The following RBFOX1 variants were observed in gnomAD, a reference collection of about 807,000 sequenced individuals.
The protein encoded by RBFOX1 is RNA binding fox-1 homolog 1.
RBFOX1 carries 8 observed loss-of-function variants against 57.7 expected under a neutral mutation model. That is an observed-to-expected ratio of 0.14 (90% CI 0.08 to 0.25). The LOEUF is 0.25. Among genes scored for constraint, RBFOX1 ranks in the 10% least tolerant of loss-of-function variants. The pLI is 1.00. For synonymous variants in RBFOX1, 326 were observed against 222.4 expected (o/e 1.47, Z -4.15); for missense variants, 611 against 548.5 (o/e 1.11, Z -1.14).
chr16:5,751,077 A>G (rs1380176679), intron 3 of RBFOX1, among the ~76,000 whole-genome samples: 2 of 152,164 alleles, frequency 1.3e-5, no homozygotes, highest in Non-Finnish European at 1.5e-5. Flanking sequence ...TTCTGACCTG[A>G]AGAGATCTGC....
chr16:5,988,060 G>C (rs561465114), intron 4 of RBFOX1, among the ~76,000 whole-genome samples: 1 of 152,138 alleles, frequency 6.6e-6, no homozygotes, highest in African/African-American at 2.4e-5. Flanking sequence ...TTGAGTGGCT[G>C]TCTCTACATA....
chr16:6,131,931 C>T (rs924708795), intron 1 of RBFOX1, among the ~76,000 whole-genome samples: 5 of 152,188 alleles, frequency 3.3e-5, no homozygotes, highest in Non-Finnish European at 7.3e-5. Flanking sequence ...GCACGTCTGG[C>T]GGATAATGAC....
At chr16:7,710,387 G>C (rs1427707085) in intron 15 of RBFOX1, 28 of 1,375,160 alleles carry the variant, frequency 2.0e-5, no homozygotes, top group Non-Finnish European at 2.6e-5. Flanking sequence ...AGTCCTTTTA[G>C]CTAAGAGGAC....
At chr16:6,091,628 G>C (rs7193639) in intron 1 of RBFOX1, among the ~76,000 whole-genome samples, 1 of 152,064 alleles carries the variant, frequency 6.6e-6, no homozygotes. Flanking sequence ...TCATGAGTTC[G>C]AGACCAGCCT....
chr16:5,591,196 A>C (rs2046994602), intron 2 of RBFOX1, among the ~76,000 whole-genome samples: 1 of 152,162 alleles, frequency 6.6e-6, no homozygotes, highest in African/African-American at 2.4e-5. Flanking sequence ...TTCAAGGGTC[A>C]GAAATATAAA....
At chr16:5,802,855 TC>T (rs2055103217) in intron 3 of RBFOX1, among the ~76,000 whole-genome samples, 1 of 152,210 alleles carries the variant, frequency 6.6e-6, no homozygotes, top group Non-Finnish European at 1.5e-5. Flanking sequence ...TGTCCACCTA[TC>T]CAACCATTCA....
intron 3 of RBFOX1, among the ~76,000 whole-genome samples, chr16:7,047,794 T>G (rs138359105): frequency 6.7e-6 from 1 of 148,890 alleles, no homozygotes; most frequent in Admixed American, 6.8e-5. Context: ...ATACTTTTTA[T>G]GTACTCAAGT....
At chr16:5,547,279 G>A (rs559378535) in intron 2 of RBFOX1, among the ~76,000 whole-genome samples, 12 of 152,284 alleles carry the variant, frequency 7.9e-5, no homozygotes, top group African/African-American at 1.4e-4. Context: ...AAGGCAGCAT[G>A]TCCTCAAACA....
chr16:6,402,119 G>T (rs1211256545), intron 2 of RBFOX1, among the ~76,000 whole-genome samples: 2 of 151,156 alleles, frequency 1.3e-5, no homozygotes, highest in Non-Finnish European at 2.9e-5. Flanking sequence ...GCATTTTCTT[G>T]TGAGTCCTGT....
chr16:6,479,217 A>G (rs2095331277), intron 2 of RBFOX1, among the ~76,000 whole-genome samples: 1 of 152,176 alleles, frequency 6.6e-6, no homozygotes, highest in Admixed American at 6.5e-5. Context: ...AGTTTAATTG[A>G]CTCACAGTTC....
chr16:7,709,066 G>T lies in RBFOX1; in HGVS notation c.1006G>T (p.Val336Phe). The change falls in exon 15 of 16, where the codon GTT (valine) becomes TTT (phenylalanine). Residue 336 changes from valine to phenylalanine, a missense_variant. By Grantham distance (50) the Val-to-Phe change is conservative (BLOSUM62 -1). Around this residue, in one of 3 missense-constraint regions of RBFOX1, gnomAD observed 267 missense variants for 229.1 expected, o/e 1.17. Transcript: ENST00000550418. ...CTATTTTCCTTTCAGTTACGGACGA[G>T]TTTATGCTGCCGACCCCTACCACCA... ...AAAYSDSYGR[V>F]YAADPYHHAL... is the part of the protein sequence containing the mutation. The T allele has an allele frequency of 6.2e-7, 1 of 1,613,716 alleles. No individual in the cohort carries two copies. Among genetic ancestry groups the T allele is most frequent in the South Asian group, 1.1e-5 (1 of 91,052 alleles).
At chr16:7,490,512 G>C (rs765816576) in intron 4 of RBFOX1, among the ~76,000 whole-genome samples, 1 of 152,220 alleles carries the variant, frequency 6.6e-6, no homozygotes, top group African/African-American at 2.4e-5. Flanking sequence ...CATGGAAGGA[G>C]TGGATAATGT....
At chr16:6,793,498 T>A (rs934742841) in intron 3 of RBFOX1, among the ~76,000 whole-genome samples, 18 of 152,310 alleles carry the variant, frequency 1.2e-4, no homozygotes, top group African/African-American at 4.3e-4. Context: ...CCTGAGTGTT[T>A]TGACATTTTG....
rs77099798 is a variant in RBFOX1 at position 6,776,635 on chromosome 16, A to C, written c.-16+121985A>C. Among the ~76,000 whole-genome samples the C allele has an allele frequency of 9.5e-3, 1,448 of 152,212 alleles. 27 individuals are homozygous for C. The highest frequency in any genetic ancestry group is 0.033 in the African/African-American group (1,371 of 41,520). ...GGGAGAGTTTTCTTTATCCCTTTCA[A>C]ATCGGTATGCCATCTCTACATACCT... is the stretch of plus-strand genomic sequence containing the variant. On this transcript the variant is annotated intron_variant, in intron 3 of 15. Transcript: ENST00000550418.
intron 1 of RBFOX1, among the ~76,000 whole-genome samples, chr16:6,158,486 A>G (rs1447777205): frequency 6.6e-6 from 1 of 152,170 alleles, no homozygotes; most frequent in African/African-American, 2.4e-5. Flanking sequence ...TAAAACTCAG[A>G]TTTGAATTTT....
At chr16:7,083,285 C>G (rs7194969) in intron 4 of RBFOX1, among the ~76,000 whole-genome samples, 5,210 of 150,102 alleles carry the variant, frequency 0.035, 303 homozygotes, top group African/African-American at 0.12. Flanking sequence ...AAACAGCTGT[C>G]TCCTGCTTGT....
chr16:6,593,235 C>T (rs534997137), intron 2 of RBFOX1, among the ~76,000 whole-genome samples: 2 of 152,260 alleles, frequency 1.3e-5, no homozygotes, highest in South Asian at 2.1e-4. Context: ...CCCTCTTCCA[C>T]GTACCCATCT....
At chr16:7,250,360 A>G (rs570294239) in intron 4 of RBFOX1, among the ~76,000 whole-genome samples, 1 of 152,330 alleles carries the variant, frequency 6.6e-6, no homozygotes, top group South Asian at 2.1e-4. Flanking sequence ...GGATGCTGAC[A>G]CAATGATTAA....
chr16:7,551,729 A>G (rs2086605598), intron 5 of RBFOX1, among the ~76,000 whole-genome samples: 1 of 152,230 alleles, frequency 6.6e-6, no homozygotes, highest in Admixed American at 6.5e-5. Context: ...TATGAGCATT[A>G]CTAGCCAAAT....
Sources: gnomAD v4.1 joint callset for allele counts (sites outside exome capture counted in the v4.1 genomes callset) on GRCh38, gnomAD v4.1.1 for gene constraint, gnomAD v4.1.1 regional missense constraint, MANE v1.5 for transcripts, NCBI Gene and HGNC (gene_info 2026-07-23, HGNC 2026-07-21) for gene names.